Variants in SNTG2 observed in about 807,000 individuals in gnomAD.
SNTG2 encodes the protein gamma-2-syntrophin.
A neutral mutation model predicts 70.9 loss-of-function variants in SNTG2; 74 were observed. The ratio of observed to expected loss-of-function variants is 1.04; its 90% CI spans 0.86 to 1.27. The LOEUF is 1.27. SNTG2 is among the 50% of genes most tolerant of loss of function. The pLI is 0.00. For missense variants in SNTG2, 717 were observed against 690.7 expected, an observed-to-expected ratio of 1.04 and a Z score of -0.43; for synonymous variants, 278 against 273.8, an observed-to-expected ratio of 1.02 and a Z score of -0.15.
intron 1 of SNTG2, among the ~76,000 whole-genome samples, chr2:1,011,781 A>G (rs1558309278): frequency 6.6e-6 from 1 of 152,186 alleles, no homozygotes; most frequent in Non-Finnish European, 1.5e-5. Context: ...TACTGAAGAG[A>G]TAAATGCTTA....
At chr2:1,102,984 C>T (rs1665879414) in intron 4 of SNTG2, among the ~76,000 whole-genome samples, 1 of 152,206 alleles carries the variant, frequency 6.6e-6, no homozygotes, top group African/African-American at 2.4e-5. Flanking sequence ...CTGATTGTAC[C>T]GTTGAGGTGC....
chr2:1,360,943 A>G (rs1179523561), intron 16 of SNTG2, among the ~76,000 whole-genome samples: 1 of 152,114 alleles, frequency 6.6e-6, no homozygotes, highest in Non-Finnish European at 1.5e-5. Flanking sequence ...TCTTTTGGAG[A>G]TCCCACCCAC....
intron 1 of SNTG2, among the ~76,000 whole-genome samples, chr2:954,110 G>A (rs1660067408): frequency 6.6e-6 from 1 of 152,162 alleles, no homozygotes; most frequent in African/African-American, 2.4e-5. Context: ...GGCACACGAG[G>A]GACCCCAAAG....
intron 1 of SNTG2, among the ~76,000 whole-genome samples, chr2:998,939 A>G (rs943116895): frequency 2.0e-5 from 3 of 152,148 alleles, no homozygotes; most frequent in Non-Finnish European, 2.9e-5. Flanking sequence ...AAGCCTATCA[A>G]TGGACTTATA....
intron 14 of SNTG2, among the ~76,000 whole-genome samples, chr2:1,300,586 G>A (rs1209982523): frequency 6.6e-6 from 1 of 152,136 alleles, no homozygotes; most frequent in African/African-American, 2.4e-5. Context: ...CTGTGCCCAT[G>A]TGATTTCTCT....
At chr2:1,149,680 T>TTTG (rs1669338627) in intron 6 of SNTG2, among the ~76,000 whole-genome samples, 9 of 1,546 alleles carry the variant, frequency 5.8e-3, no homozygotes, top group African/African-American at 6.9e-3. Flanking sequence ...GCGTTTTTTT[T>TTTG]TTTTTTTTTT....
chr2:968,359 TTCTG>T (rs1010727756), intron 1 of SNTG2, among the ~76,000 whole-genome samples: 8 of 152,200 alleles, frequency 5.3e-5, no homozygotes, highest in African/African-American at 1.2e-4. Context: ...TTTAGGTCTT[TTCTG>T]TCTGTTTTTT....
intron 8 of SNTG2, among the ~76,000 whole-genome samples, chr2:1,203,293 GA>G (rs1249832474): frequency 6.6e-6 from 1 of 152,132 alleles, no homozygotes; most frequent in African/African-American, 2.4e-5. Flanking sequence ...AGGTTGAAAT[GA>G]ATCCCAGATA....
intron 1 of SNTG2, among the ~76,000 whole-genome samples, chr2:988,412 A>G (rs1341812147): frequency 1.3e-5 from 2 of 152,218 alleles, no homozygotes; most frequent in African/African-American, 4.8e-5. Flanking sequence ...TCAAATAAGT[A>G]GAATTTTACC....
chr2:1,171,544 T>C (rs1671123906), intron 7 of SNTG2, among the ~76,000 whole-genome samples: 1 of 152,232 alleles, frequency 6.6e-6, no homozygotes, highest in South Asian at 2.1e-4. Flanking sequence ...ATTCAGGTGC[T>C]GTCTCAACAA....
intron 16 of SNTG2, among the ~76,000 whole-genome samples, chr2:1,325,781 A>G (rs1274738240): frequency 1.3e-5 from 2 of 152,240 alleles, no homozygotes; most frequent in South Asian, 2.1e-4. Flanking sequence ...TTTCTGTGAC[A>G]TACAGCAATT....
At chr2:1,045,572 G>GT (rs1414871392) in intron 1 of SNTG2, among the ~76,000 whole-genome samples, 2 of 151,980 alleles carry the variant, frequency 1.3e-5, no homozygotes, top group East Asian at 3.9e-4. Context: ...ATTCTAGTAT[G>GT]TTATATCTTA....
intron 8 of SNTG2, among the ~76,000 whole-genome samples, chr2:1,182,532 T>A (rs967008987): frequency 6.6e-6 from 1 of 152,010 alleles, no homozygotes; most frequent in Non-Finnish European, 1.5e-5. Context: ...GCTATAATAA[T>A]AAAAATAAAT....
chr2:1,313,332 T>C (rs1681102305), intron 15 of SNTG2, among the ~76,000 whole-genome samples: 1 of 152,230 alleles, frequency 6.6e-6, no homozygotes, highest in Non-Finnish European at 1.5e-5. Flanking sequence ...CGGCTTCCCT[T>C]CAGCTTTTAT....
intron 1 of SNTG2, among the ~76,000 whole-genome samples, chr2:972,736 T>C (rs543185616): frequency 1.3e-5 from 2 of 152,196 alleles, no homozygotes; most frequent in Non-Finnish European, 2.9e-5. Flanking sequence ...TAACAGTGTG[T>C]AGCAACCCCA....
At chr2:981,349 C>T (rs1428013123) in intron 1 of SNTG2, among the ~76,000 whole-genome samples, 1 of 152,312 alleles carries the variant, frequency 6.6e-6, no homozygotes, top group Middle Eastern at 3.4e-3. Flanking sequence ...TTGCTGTTTC[C>T]AGGCATGCAC....
chr2:1,137,872 T>C, intron 6 of SNTG2, 63 bp downstream of exon 6: 1 of 1,425,196 alleles, frequency 7.0e-7, no homozygotes, highest in Non-Finnish European at 9.9e-7. Flanking sequence ...TATTTGTCTC[T>C]ATAGTTGATA....
At chr2:1,050,774 A>G (rs1662012545) in intron 1 of SNTG2, among the ~76,000 whole-genome samples, 1 of 152,216 alleles carries the variant, frequency 6.6e-6, no homozygotes, top group South Asian at 2.1e-4. Context: ...AGAAGTGACA[A>G]CTTGAAAATA....
rs554678129 is a variant in SNTG2, at chr2:1,261,925, C to A, written c.1077+2484C>A. On this transcript the variant is annotated intron_variant, in intron 13 of 16. Transcript: ENST00000308624. ...TGCAAAGCTCATCCCGAATCCCGCT[C>A]TATTCCACGTGCTAGAAGCAGTGGT... Among the ~76,000 whole-genome samples the A allele has an allele frequency of 2.0e-5, 3 of 152,286 alleles. No homozygotes were observed. In the South Asian group the frequency reaches 6.2e-4, roughly 32 times the overall value.
Sources: gnomAD v4.1 joint callset for allele counts (sites outside exome capture counted in the v4.1 genomes callset) on GRCh38, gnomAD v4.1.1 for gene constraint, MANE v1.5 for transcripts, NCBI Gene and HGNC (gene_info 2026-07-23, HGNC 2026-07-21) for gene names.